Variants in PWWP2A observed in about 807,000 individuals in gnomAD.
PWWP2A encodes the protein PWWP domain containing 2A, also known as PWWP domain-containing protein 2A.
Under a neutral mutation model 48.5 loss-of-function variants are expected in PWWP2A, and 18 were observed. The observed-to-expected ratio is 0.37, with a 90% confidence interval of 0.26 to 0.55. The LOEUF (loss-of-function observed/expected upper bound fraction) is 0.55, where lower values mean the gene tolerates loss of function less well. PWWP2A is among the 20% of genes least tolerant of loss of function. The probability of loss-of-function intolerance (pLI) is 0.81; values close to 1 mark genes in which losing one functional copy is unlikely to be tolerated. For missense variants in PWWP2A, 867 were observed against 976.4 expected, an observed-to-expected ratio of 0.89 and a Z score of 1.49; for synonymous variants, 396 against 387.7, an observed-to-expected ratio of 1.02 and a Z score of -0.25.
At chr5:160,089,778 G>C (rs1754922133), downstream of PWWP2A, 7 of 985,384 alleles carry the variant, frequency 7.1e-6, no homozygotes, top group Non-Finnish European at 8.4e-6. Flanking sequence ...GTCTAAGCCA[G>C]TTTACTCCCA....
At chr5:160,049,397 G>T in the PWWP2A span, 1 of 998,870 alleles carries the variant, frequency 1.0e-6, no homozygotes, top group Non-Finnish European at 1.4e-6. Context: ...GTATACACTT[G>T]GCAAATGACT....
chr5:160,114,988 T>C (rs187308759), intron 1 of PWWP2A, among the ~76,000 whole-genome samples: 10 of 151,340 alleles, frequency 6.6e-5, no homozygotes, highest in South Asian at 2.1e-4. Flanking sequence ...ATACAAAAAA[T>C]TAGCCAGGCG....
chr5:160,111,252 C>T (rs568557629), intron 1 of PWWP2A, among the ~76,000 whole-genome samples: 1 of 152,124 alleles, frequency 6.6e-6, no homozygotes, highest in Non-Finnish European at 1.5e-5. Flanking sequence ...ACTGCAACCT[C>T]TAACTCCCGG....
chr5:160,079,161 C>CAAT (rs941959811), intron 3 of PWWP2A, among the ~76,000 whole-genome samples: 6 of 152,048 alleles, frequency 3.9e-5, no homozygotes, highest in African/African-American at 1.4e-4. Context: ...ACATCAAACA[C>CAAT]AATGCAACAA....
intron 5 of PWWP2A, among the ~76,000 whole-genome samples, chr5:160,062,999 A>C (rs1168996547): frequency 6.6e-6 from 1 of 152,146 alleles, no homozygotes; most frequent in Non-Finnish European, 1.5e-5. Flanking sequence ...GGTTTATGCC[A>C]GTGATTTCCT....
At chr5:160,073,229 C>CTT (rs749893279), downstream of PWWP2A, among the ~76,000 whole-genome samples, 4 of 37,130 alleles carry the variant, frequency 1.1e-4, no homozygotes, top group South Asian at 8.7e-4. Flanking sequence ...AAAAACATTT[C>CTT]TTTTTTTTTT....
chr5:160,074,525 T>A (rs1753821286), downstream of PWWP2A, among the ~76,000 whole-genome samples: 4 of 151,976 alleles, frequency 2.6e-5, no homozygotes, highest in South Asian at 8.3e-4. Context: ...GGCAGGCGGA[T>A]CACCTGAGAT....
intron 2 of PWWP2A, among the ~76,000 whole-genome samples, chr5:160,082,580 A>C (rs1450504891): frequency 6.6e-6 from 1 of 152,208 alleles, no homozygotes; most frequent in Admixed American, 6.5e-5. Flanking sequence ...GAATGATCTC[A>C]TGTTTCCCTG....
intron 1 of PWWP2A, among the ~76,000 whole-genome samples, chr5:160,110,432 C>T (rs937153603): frequency 9.2e-5 from 14 of 152,208 alleles, no homozygotes; most frequent in South Asian, 6.2e-4. Context: ...ACTGGCCGGA[C>T]GTGGTGGCTC....
chr5:160,098,122 G>A (rs1033367612), intron 1 of PWWP2A, among the ~76,000 whole-genome samples: 2 of 152,138 alleles, frequency 1.3e-5, no homozygotes, highest in Non-Finnish European at 2.9e-5. Flanking sequence ...ATGGAATCTG[G>A]TATGTTTATC....
At chr5:160,090,979 C>A (rs902364260), downstream of PWWP2A, 4 of 985,062 alleles carry the variant, frequency 4.1e-6, no homozygotes, top group Non-Finnish European at 4.8e-6. Context: ...AGCAGTGATA[C>A]ATGAGGCAGA....
At position 160,117,180 on chromosome 5, in the gene PWWP2A, C is replaced by A. The variant is rs567260672; in HGVS notation, c.584+1625G>T. 2.0e-5 allele frequency among the ~76,000 whole-genome samples: 3 copies of A among 152,338 alleles called. No individual in the cohort carries two copies. The South Asian group carries it at 6.2e-4, about 32-fold the overall frequency. ...CTAATTATGAAAACAGGAGTGCAGG[C>A]CGGGCACAGTGGCTCACGCCTGTAA... On this transcript the variant is annotated intron_variant, in intron 1 of 1. Transcript: ENST00000307063.
In PWWP2A at chr5:160,106,416, CTT is replaced by C. The variant is rs1581249824; in HGVS notation, c.585-12353_585-12352del. ...TGTAAACAAAGTATTTGGCACAGGA[CTT>C]AGCACAGAAATTGAAAATACATAGT... On this transcript the variant is annotated intron_variant, in intron 1 of 1. Transcript: ENST00000307063. Among the ~76,000 whole-genome samples, 3 of 152,174 alleles carry C rather than the reference CTT, an allele frequency of 2.0e-5. No individual in the cohort carries two copies. In the East Asian group the frequency reaches 5.8e-4, roughly 29 times the overall value.
chr5:160,069,813 C>T (rs1027622786), intron 2 of PWWP2A, among the ~76,000 whole-genome samples: 4 of 152,186 alleles, frequency 2.6e-5, no homozygotes, highest in African/African-American at 7.2e-5. Flanking sequence ...GGCATGTAAG[C>T]GTTTGTCTCC....
intron 1 of PWWP2A, among the ~76,000 whole-genome samples, chr5:160,096,154 C>A (rs1755628027): frequency 6.6e-6 from 1 of 152,138 alleles, no homozygotes. Flanking sequence ...TCCCAAAATT[C>A]TTTGTTAGTC....
rs1755301777 is a variant in PWWP2A at position 160,093,519 on chromosome 5, A to G, written c.1131T>C (p.Asn377=). ...CCACAGCATTTCTTTTCTGGCTTTC[A>G]TTTTGGTTTTTCCCATCCACTTTAT... The part of the protein sequence containing the change: ...TDHKVDGKNQ[N]ESQKRNAVVK... Residue 377 remains asparagine, a synonymous_variant, in exon 2 of 2, where the codon AAT becomes AAC. Transcript: ENST00000307063. This position sits in a 1 kb window ranked among gnomAD's most constrained non-coding sequence, Gnocchi z 5.8. The G allele has an allele frequency of 6.2e-7, 1 of 1,613,782 alleles. No homozygotes were observed. Among genetic ancestry groups the G allele is most frequent in the Non-Finnish European group, 8.5e-7 (1 of 1,179,856 alleles).
intron 1 of PWWP2A, among the ~76,000 whole-genome samples, chr5:160,100,014 T>C (rs762403868): frequency 4.6e-5 from 7 of 151,934 alleles, no homozygotes; most frequent in Non-Finnish European, 8.8e-5. Context: ...ACAGTTACTT[T>C]GTGTTGCTGG....
At chr5:160,081,385 C>A (rs1279134039) in intron 2 of PWWP2A, among the ~76,000 whole-genome samples, 1 of 151,982 alleles carries the variant, frequency 6.6e-6, no homozygotes, top group Admixed American at 6.6e-5. Flanking sequence ...ATTACAGGCG[C>A]CCGCCACCAC....
downstream of PWWP2A, among the ~76,000 whole-genome samples, chr5:160,061,281 G>A (rs1175267073): frequency 6.6e-6 from 1 of 152,218 alleles, no homozygotes; most frequent in African/African-American, 2.4e-5. Flanking sequence ...GACAAAGATA[G>A]ACCAAATCTC....
Sources: gnomAD v4.1 joint callset for allele counts (sites outside exome capture counted in the v4.1 genomes callset) on GRCh38, gnomAD v4.1.1 for gene constraint, Gnocchi (gnomAD v3.1) non-coding constraint, MANE v1.5 for transcripts, NCBI Gene and HGNC (gene_info 2026-07-23, HGNC 2026-07-21) for gene names.